Variants in FIGN observed in about 807,000 individuals in gnomAD.
FIGN encodes the protein fidgetin, microtubule severing factor.
In FIGN, 11 loss-of-function variants were observed where a neutral mutation model predicts 51.3. That is an observed-to-expected ratio of 0.21 (90% confidence interval 0.13 to 0.35). FIGN has a LOEUF of 0.35. FIGN is among the 10% of genes least tolerant of loss of function. The probability of loss-of-function intolerance (pLI) is 1.00; values close to 1 mark genes in which losing one functional copy is unlikely to be tolerated. For missense variants in FIGN, 857 were observed against 943.6 expected, an observed-to-expected ratio of 0.91 and a Z score of 1.20; for synonymous variants, 407 against 363.2, an observed-to-expected ratio of 1.12 and a Z score of -1.37.
Position 163,609,474 on chromosome 2 carries a change from AG to A in FIGN, c.*77del. On this transcript the variant is annotated 3_prime_UTR_variant, in exon 3 of 3. Coordinates refer to ENST00000333129, the MANE Select transcript of FIGN (RefSeq NM_018086.4). ...CTTTGCAATTTAAACTCTACTGGAA[AG>A]GGGCTCTATTCCCTATGTAGCAGGT... 8.0e-7 allele frequency: 1 copy of A among 1,246,010 alleles called. No homozygotes were observed. Among genetic ancestry groups the A allele is most frequent in the African/African-American group, 1.5e-5 (1 of 66,784 alleles). 77.2% of individuals were successfully genotyped at this position (1,246,010 alleles called of 1,614,324 possible).
chr2:163,666,293 G>C (rs1683772205), intron 2 of FIGN, among the ~76,000 whole-genome samples: 1 of 152,134 alleles, frequency 6.6e-6, no homozygotes, highest in South Asian at 2.1e-4. Flanking sequence ...TATTAGCCTT[G>C]CTTCTTCGCC....
chr2:163,636,374 C>G (rs971975081), intron 2 of FIGN, among the ~76,000 whole-genome samples: 1 of 152,200 alleles, frequency 6.6e-6, no homozygotes, highest in African/African-American at 2.4e-5. Context: ...CAACCTCTGC[C>G]TCCTGGGTTC....
chr2:163,680,306 T>C (rs1306650570), intron 2 of FIGN, among the ~76,000 whole-genome samples: 1 of 152,186 alleles, frequency 6.6e-6, no homozygotes, highest in Admixed American at 6.5e-5. Context: ...CCATTTCTCT[T>C]CTACCTTCTT....
intron 2 of FIGN, among the ~76,000 whole-genome samples, chr2:163,681,312 A>G (rs1454499828): frequency 6.6e-6 from 1 of 152,194 alleles, no homozygotes; most frequent in Non-Finnish European, 1.5e-5. Context: ...TGGTCCTTGG[A>G]GTTCATGTAG....
intron 2 of FIGN, among the ~76,000 whole-genome samples, chr2:163,725,903 G>A (rs1312425420): frequency 1.3e-5 from 2 of 152,124 alleles, no homozygotes; most frequent in South Asian, 2.1e-4. Flanking sequence ...TTTTGCTTAT[G>A]TGTAATTTTT....
intron 2 of FIGN, among the ~76,000 whole-genome samples, chr2:163,732,408 G>A (rs1211961711): frequency 6.6e-6 from 1 of 152,124 alleles, no homozygotes; most frequent in Non-Finnish European, 1.5e-5. Flanking sequence ...GAGTAAAAGA[G>A]AGGAAGAACA....
At chr2:163,676,405 TA>T (rs1337111426) in intron 2 of FIGN, among the ~76,000 whole-genome samples, 2 of 139,272 alleles carry the variant, frequency 1.4e-5, no homozygotes, top group Non-Finnish European at 3.1e-5. Context: ...AATGAAAATA[TA>T]TAATTAAAAC....
chr2:163,673,364 C>A (rs1480332361), intron 2 of FIGN, among the ~76,000 whole-genome samples: 1 of 152,038 alleles, frequency 6.6e-6, no homozygotes, highest in African/African-American at 2.4e-5. Context: ...CTCTTCTGGA[C>A]AAGGCAAAAT....
intron 2 of FIGN, among the ~76,000 whole-genome samples, chr2:163,699,967 T>C (rs940339249): frequency 3.3e-5 from 5 of 152,126 alleles, no homozygotes; most frequent in Admixed American, 6.6e-5. Flanking sequence ...TAGGAACATG[T>C]TATTTTTGTG....
chr2:163,625,760 T>C (rs948083959), intron 2 of FIGN, among the ~76,000 whole-genome samples: 3 of 152,076 alleles, frequency 2.0e-5, no homozygotes, highest in African/African-American at 7.2e-5. Context: ...ATCAGTCTTA[T>C]CCGAAGCTCT....
intron 2 of FIGN, among the ~76,000 whole-genome samples, chr2:163,643,357 C>A (rs2105317518): frequency 6.6e-6 from 1 of 152,234 alleles, no homozygotes; most frequent in East Asian, 1.9e-4. Context: ...CCACTTTACA[C>A]AATATACAAA....
intron 2 of FIGN, chr2:163,612,674 A>G (rs994493313): frequency 2.4e-5 from 22 of 915,684 alleles, no homozygotes; most frequent in Non-Finnish European, 2.9e-5. Context: ...ACAGCCTGCA[A>G]GGTACTAAGA....
At position 163,605,949 on chromosome 2, in the gene FIGN, T is replaced by G. The variant is rs1423053401; in HGVS notation, c.*3603A>C. The G allele has an allele frequency of 2.0e-5, 3 of 151,980 alleles. No homozygotes were observed. Among genetic ancestry groups the G allele is most frequent in the African/African-American group, 7.2e-5 (3 of 41,396 alleles). The allele number at this position is 151,980 out of a possible 1,614,324, so 9.4% of individuals were successfully genotyped here. ...TTGAAAACTGCATAGCCAAGTACTA[T>G]GCAACCCATGTAAATTGACCTTGCT... On this transcript the variant is annotated 3_prime_UTR_variant, in exon 3 of 3. Coordinates refer to ENST00000333129, the MANE Select transcript of FIGN (RefSeq NM_018086.4).
chr2:163,712,074 G>A (rs142266775), intron 2 of FIGN, among the ~76,000 whole-genome samples: 240 of 152,022 alleles, frequency 1.6e-3, no homozygotes, highest in African/African-American at 5.4e-3. Flanking sequence ...TAAGAATGAT[G>A]CACCAGGAAC....
At chr2:163,701,633 G>A (rs1468690694) in intron 2 of FIGN, among the ~76,000 whole-genome samples, 3 of 152,176 alleles carry the variant, frequency 2.0e-5, no homozygotes, top group Non-Finnish European at 2.9e-5. Context: ...CTTTGGGACT[G>A]ACTCACTGAG....
intron 2 of FIGN, among the ~76,000 whole-genome samples, chr2:163,614,079 A>G (rs1198210626): frequency 6.6e-6 from 1 of 152,188 alleles, no homozygotes; most frequent in African/African-American, 2.4e-5. Flanking sequence ...GGAAAATAGT[A>G]TTATAAAATC....
chr2:163,651,267 C>G (rs906228733), intron 2 of FIGN, among the ~76,000 whole-genome samples: 1 of 152,060 alleles, frequency 6.6e-6, no homozygotes, highest in Non-Finnish European at 1.5e-5. Flanking sequence ...TTGAGACTAT[C>G]CTGGCTAACA....
At chr2:163,702,800 A>C (rs1039912573) in intron 2 of FIGN, among the ~76,000 whole-genome samples, 5 of 152,182 alleles carry the variant, frequency 3.3e-5, no homozygotes, top group Non-Finnish European at 5.9e-5. Context: ...CACCCCGAAT[A>C]GTACTGTTTC....
intron 2 of FIGN, among the ~76,000 whole-genome samples, chr2:163,734,310 T>C (rs954599636): frequency 4.6e-5 from 7 of 151,424 alleles, no homozygotes; most frequent in African/African-American, 1.7e-4. Context: ...TAATTTTTAT[T>C]TTCATGTAAA....
Sources: allele counts gnomAD v4.1 joint callset (sites outside exome capture counted in the v4.1 genomes callset), GRCh38; gene constraint gnomAD v4.1.1; transcripts MANE v1.5; gene names NCBI Gene and HGNC (gene_info 2026-07-23, HGNC 2026-07-21).